RABGAP1L: variants seen among roughly 807,000 people sequenced by gnomAD.
The protein encoded by RABGAP1L is rab GTPase-activating protein 1-like.
RABGAP1L carries 63 observed loss-of-function variants against 137.7 expected under a neutral mutation model. That is an observed-to-expected ratio of 0.46 (90% CI 0.37 to 0.56). The LOEUF is 0.56. Ranked by LOEUF, RABGAP1L falls within the 20% of genes least tolerant of loss-of-function variation. The probability of loss-of-function intolerance (pLI) is 0.00; values close to 1 mark genes in which losing one functional copy is unlikely to be tolerated. For synonymous variants in RABGAP1L, 431 were observed against 433.7 expected (o/e 0.99, Z 0.08); for missense variants, 1,095 against 1,244.0 (o/e 0.88, Z 1.80).
intron 13 of RABGAP1L, among the ~76,000 whole-genome samples, chr1:174,550,066 ATAAAT>A (rs1369268102): frequency 6.6e-6 from 1 of 152,212 alleles, no homozygotes; most frequent in Non-Finnish European, 1.5e-5. Context: ...ACATTTTAAA[ATAAAT>A]TATTAAAATT....
At chr1:174,645,537 A>C (rs1462543878) in intron 14 of RABGAP1L, among the ~76,000 whole-genome samples, 2 of 152,050 alleles carry the variant, frequency 1.3e-5, no homozygotes, top group African/African-American at 4.8e-5. Flanking sequence ...TGTCCCTGCA[A>C]AGGACATGAA....
chr1:174,963,446 T>C (rs948742268), intron 20 of RABGAP1L, among the ~76,000 whole-genome samples: 5 of 152,114 alleles, frequency 3.3e-5, no homozygotes, highest in African/African-American at 7.2e-5. Flanking sequence ...TACTTAACCC[T>C]TGGGGGAAGA....
intron 13 of RABGAP1L, among the ~76,000 whole-genome samples, chr1:174,418,361 T>C (rs894801663): frequency 1.3e-5 from 2 of 152,216 alleles, no homozygotes; most frequent in Admixed American, 6.5e-5. Context: ...GGAAAAATTA[T>C]CTTGTTGCTA....
intron 11 of RABGAP1L, among the ~76,000 whole-genome samples, chr1:174,327,982 CACACATATATATAT>C (rs1375287917): frequency 2.0e-4 from 5 of 24,750 alleles, no homozygotes; most frequent in East Asian, 1.4e-3. Flanking sequence ...TATATATACA[CACACATATATATAT>C]ATATATATAT....
chr1:174,976,240 A>G (rs1362514679), intron 22 of RABGAP1L, 58 bp downstream of exon 22: 3 of 1,340,842 alleles, frequency 2.2e-6, no homozygotes, highest in East Asian at 2.5e-5. Flanking sequence ...GGGAATTAAC[A>G]CTATAAAAAA....
In RABGAP1L at chr1:174,297,403, C is replaced by T. The variant is rs183313329; in HGVS notation, c.1324-7583C>T. Among the ~76,000 whole-genome samples the T allele has an allele frequency of 6.1e-3, 935 of 152,246 alleles. 5 individuals are homozygous for T. The highest frequency in any genetic ancestry group is 9.0e-3 in the Non-Finnish European group (612 of 68,022). On this transcript the variant is annotated intron_variant, in intron 10 of 25. Transcript: ENST00000681986. The stretch of plus-strand genomic sequence containing the variant: ...GGCCAGAGTGCTAGAGCGCCTCCCG[C>T]CGGCTCTTCAAATTCCAGGTTCCAC...
intron 13 of RABGAP1L, among the ~76,000 whole-genome samples, chr1:174,613,884 G>C (rs564130269): frequency 2.6e-5 from 4 of 151,948 alleles, no homozygotes; most frequent in Non-Finnish European, 5.9e-5. Context: ...TGCAACCCCT[G>C]CCTTTTTTTG....
chr1:174,472,109 T>C (rs12059902), intron 13 of RABGAP1L, among the ~76,000 whole-genome samples: 18,622 of 152,244 alleles, frequency 0.12, 3,835 homozygotes, highest in African/African-American at 0.42. Context: ...TCTTGGACTT[T>C]CCAGCTTCTA....
At chr1:174,313,964 T>C (rs1396898444) in intron 11 of RABGAP1L, among the ~76,000 whole-genome samples, 1 of 152,174 alleles carries the variant, frequency 6.6e-6, no homozygotes, top group Non-Finnish European at 1.5e-5. Context: ...GCCTATACTT[T>C]TCTTTTTTTT....
At chr1:174,268,116 A>T (rs1247867340) in intron 7 of RABGAP1L, among the ~76,000 whole-genome samples, 1 of 152,166 alleles carries the variant, frequency 6.6e-6, no homozygotes, top group Non-Finnish European at 1.5e-5. Flanking sequence ...AGTGTTTTGC[A>T]TAAAGTTTTG....
chr1:174,651,466 G>A (rs184803618), intron 14 of RABGAP1L, among the ~76,000 whole-genome samples: 108 of 152,288 alleles, frequency 7.1e-4, no homozygotes, highest in Non-Finnish European at 5.9e-5. Flanking sequence ...TTGTGTGGGA[G>A]TCTAAGTCTC....
chr1:174,349,982 C>T (rs1473039913), intron 11 of RABGAP1L, among the ~76,000 whole-genome samples: 5 of 126,254 alleles, frequency 4.0e-5, no homozygotes, highest in Admixed American at 7.4e-5. Flanking sequence ...ATCTCCCTCC[C>T]GGACGGGGTG....
intron 11 of RABGAP1L, among the ~76,000 whole-genome samples, chr1:174,330,757 A>C (rs764860104): frequency 1.4e-4 from 21 of 152,228 alleles, no homozygotes; most frequent in Non-Finnish European, 2.8e-4. Context: ...TAAAATGTCT[A>C]TACTACCCAA....
chr1:174,306,911 A>G (rs1043948746), intron 11 of RABGAP1L, among the ~76,000 whole-genome samples: 1 of 152,138 alleles, frequency 6.6e-6, no homozygotes, highest in Admixed American at 6.6e-5. Context: ...AATTTTTATT[A>G]TCTTTGAAAA....
intron 11 of RABGAP1L, among the ~76,000 whole-genome samples, chr1:174,308,369 A>G (rs539171024): frequency 1.3e-5 from 2 of 151,974 alleles, no homozygotes; most frequent in South Asian, 2.1e-4. Context: ...TGTTTTGCAG[A>G]TGTTTTTTAG....
chr1:174,980,500 ACTTGG>A (rs1260973219), intron 23 of RABGAP1L, among the ~76,000 whole-genome samples: 1 of 152,262 alleles, frequency 6.6e-6, no homozygotes, highest in Non-Finnish European at 1.5e-5. Context: ...GCGATGTAAG[ACTTGG>A]ATCTGTAGAG....
intron 14 of RABGAP1L, among the ~76,000 whole-genome samples, chr1:174,663,960 A>G (rs987778555): frequency 3.9e-5 from 6 of 152,208 alleles, no homozygotes; most frequent in Non-Finnish European, 8.8e-5. Flanking sequence ...CTAGGGACTC[A>G]GAGGCTGTGA....
chr1:174,875,436 G>C, intron 19 of RABGAP1L: 1 of 731,992 alleles, frequency 1.4e-6, no homozygotes. Context: ...TATAACTCTT[G>C]TTTGCCCCTG....
chr1:174,588,170 T>C (rs1422318372), intron 13 of RABGAP1L, among the ~76,000 whole-genome samples: 1 of 148,520 alleles, frequency 6.7e-6, no homozygotes, highest in Non-Finnish European at 1.5e-5. Context: ...CTGGCCTATT[T>C]ATTTATTTAT....
Sources: allele counts gnomAD v4.1 joint callset (sites outside exome capture counted in the v4.1 genomes callset), GRCh38; gene constraint gnomAD v4.1.1; transcripts MANE v1.5; gene names NCBI Gene and HGNC (gene_info 2026-07-23, HGNC 2026-07-21).